CFAP299: variants seen among roughly 807,000 people sequenced by gnomAD.
CFAP299 encodes the protein cilia and flagella associated protein 299, also known as cilia- and flagella-associated protein 299.
A neutral mutation model predicts 27.0 loss-of-function variants in CFAP299; 21 were observed. The observed-to-expected ratio is 0.78, with a 90% CI of 0.55 to 1.12. CFAP299 has a LOEUF of 1.12. Ranked by LOEUF, CFAP299 falls within the 50% of genes most tolerant of loss-of-function variation. The probability of loss-of-function intolerance (pLI) is 0.00; values close to 1 mark genes in which losing one functional copy is unlikely to be tolerated. For missense variants in CFAP299, 310 were observed against 276.6 expected (o/e 1.12, Z -0.86); for synonymous variants, 104 against 98.1 (o/e 1.06, Z -0.36).
intron 4 of CFAP299, among the ~76,000 whole-genome samples, chr4:80,902,649 C>T (rs904864554): frequency 1.4e-5 from 2 of 146,608 alleles, no homozygotes; most frequent in East Asian, 2.0e-4. Flanking sequence ...CTAGTTGGGG[C>T]TATAGTATAT....
At chr4:80,682,743 CTTAGAT>C in intron 3 of CFAP299, among the ~76,000 whole-genome samples, 1 of 152,272 alleles carries the variant, frequency 6.6e-6, no homozygotes. Flanking sequence ...GCCTATTCCT[CTTAGAT>C]TTCACTTTTC....
intron 3 of CFAP299, among the ~76,000 whole-genome samples, chr4:80,729,660 C>G (rs1476467261): frequency 2.3e-5 from 3 of 130,786 alleles, no homozygotes; most frequent in African/African-American, 8.8e-5. Context: ...AGTGCAGTGG[C>G]AAGATCTTGG....
chr4:80,572,535 T>TTTTTTTTTTTTTTTTTTTTTTG, intron 2 of CFAP299, among the ~76,000 whole-genome samples: 1 of 127,912 alleles, frequency 7.8e-6, no homozygotes, highest in Non-Finnish European at 1.6e-5. Flanking sequence ...TTTTTTTTTT[T>TTTTTTTTTTTTTTTTTTTTTTG]GAGAGGGAGT....
chr4:80,915,488 A>G lies in CFAP299; in HGVS notation c.477-29322A>G, dbSNP rs370053005. ...TCCTTGGTGTAATTTTATTTTTTACATGTTTGTTCTGCTTGGTTTTTATTG... is the reference window on the plus strand; with the variant it reads ...TCCTTGGTGTAATTTTATTTTTTACGTGTTTGTTCTGCTTGGTTTTTATTG... On this transcript the variant is annotated intron_variant, in intron 4 of 5. Transcript: ENST00000358105. 6.6e-5 allele frequency among the ~76,000 whole-genome samples: 10 copies of G among 151,874 alleles called. No individual in the cohort carries two copies. The South Asian group carries it at 1.9e-3, about 28-fold the overall frequency.
In CFAP299 at chr4:80,736,003, A is replaced by G. The variant is rs534679118; in HGVS notation, c.334-133990A>G. Among the ~76,000 whole-genome samples, 5 of 152,076 alleles carry G rather than the reference A, an allele frequency of 3.3e-5. No individual in the cohort carries two copies. In the Middle Eastern group the frequency reaches 0.01, roughly 310 times the overall value. ...CTATTTTTCAGAAGTTTGAGTAAGA[A>G]TGGTATTATTCCTCCCATTTTGAAG... On this transcript the variant is annotated intron_variant, in intron 3 of 5. Coordinates refer to ENST00000358105, the MANE Select transcript of CFAP299 (RefSeq NM_152770.3).
chr4:80,356,520 GTTTGTAGTTCTCCT>G (rs1723287745), intron 1 of CFAP299, among the ~76,000 whole-genome samples: 1 of 152,148 alleles, frequency 6.6e-6, no homozygotes, highest in Non-Finnish European at 1.5e-5. Context: ...TTGAGCAGTG[GTTTGTAGTTCTCCT>G]TGAAGAGTTC....
At chr4:80,912,340 G>A (rs1166519277) in intron 4 of CFAP299, among the ~76,000 whole-genome samples, 2 of 152,170 alleles carry the variant, frequency 1.3e-5, no homozygotes, top group Non-Finnish European at 2.9e-5. Context: ...ATTACAGCAG[G>A]AGAATAGACA....
intron 3 of CFAP299, among the ~76,000 whole-genome samples, chr4:80,736,247 T>C (rs980639410): frequency 1.1e-4 from 17 of 152,128 alleles, no homozygotes; most frequent in African/African-American, 3.4e-4. Flanking sequence ...CCATCTTGAA[T>C]TGATTTTTGT....
chr4:80,726,493 T>C (rs1723171238), intron 3 of CFAP299, among the ~76,000 whole-genome samples: 1 of 152,180 alleles, frequency 6.6e-6, no homozygotes. Flanking sequence ...AATATATTTT[T>C]ACAACCTGTG....
At chr4:80,500,777 C>A (rs755837443) in intron 2 of CFAP299, among the ~76,000 whole-genome samples, 68 of 152,068 alleles carry the variant, frequency 4.5e-4, no homozygotes, top group Non-Finnish European at 8.8e-4. Context: ...TACCAACAAA[C>A]CCACAATATT....
At chr4:80,514,770 T>G (rs1426572157) in intron 2 of CFAP299, among the ~76,000 whole-genome samples, 1 of 152,098 alleles carries the variant, frequency 6.6e-6, no homozygotes, top group Non-Finnish European at 1.5e-5. Context: ...GTCTTTTTTA[T>G]AAAATAAATA....
chr4:80,563,573 A>G (rs182000823), intron 2 of CFAP299, among the ~76,000 whole-genome samples: 119 of 152,162 alleles, frequency 7.8e-4, no homozygotes, highest in African/African-American at 2.6e-3. Flanking sequence ...GTTTATCACT[A>G]TAAGTGCCTA....
At chr4:80,895,286 G>A (rs1734560849) in intron 4 of CFAP299, among the ~76,000 whole-genome samples, 1 of 151,802 alleles carries the variant, frequency 6.6e-6, no homozygotes, top group South Asian at 2.1e-4. Flanking sequence ...ACATCACTCT[G>A]TAAATCTTAA....
intron 3 of CFAP299, among the ~76,000 whole-genome samples, chr4:80,583,581 T>C (rs1736281617): frequency 6.6e-6 from 1 of 151,920 alleles, no homozygotes; most frequent in Non-Finnish European, 1.5e-5. Flanking sequence ...TAGTCTGCCT[T>C]TTAGTCCTAC....
intron 3 of CFAP299, among the ~76,000 whole-genome samples, chr4:80,813,223 A>C (rs1410688277): frequency 6.6e-6 from 1 of 152,076 alleles, no homozygotes; most frequent in Non-Finnish European, 1.5e-5. Context: ...CAGAGAAAAT[A>C]GTTTATATTA....
chr4:80,357,819 G>A (rs1723347756), intron 1 of CFAP299, among the ~76,000 whole-genome samples: 1 of 151,722 alleles, frequency 6.6e-6, no homozygotes, highest in Non-Finnish European at 1.5e-5. Flanking sequence ...TTTTTTTTGT[G>A]TGTCTCAATC....
intron 2 of CFAP299, among the ~76,000 whole-genome samples, chr4:80,375,567 T>G (rs2110013769): frequency 1.3e-5 from 2 of 152,300 alleles, no homozygotes; most frequent in South Asian, 4.1e-4. Flanking sequence ...CCACATGCAG[T>G]CTGTCACAGA....
intron 3 of CFAP299, among the ~76,000 whole-genome samples, chr4:80,696,143 T>TA (rs1162056280): frequency 6.6e-6 from 1 of 151,732 alleles, no homozygotes; most frequent in Non-Finnish European, 1.5e-5. Context: ...CTACTAAAAA[T>TA]ACAAAAAATT....
At chr4:80,567,731 TTA>T (rs10605376) in intron 2 of CFAP299, among the ~76,000 whole-genome samples, 1,630 of 148,780 alleles carry the variant, frequency 0.011, 14 homozygotes, top group Middle Eastern at 0.021. Context: ...TCTAATGTAT[TTA>T]TATATATATA....
Sources: gnomAD v4.1 joint callset for allele counts (sites outside exome capture counted in the v4.1 genomes callset) on GRCh38, gnomAD v4.1.1 for gene constraint, MANE v1.5 for transcripts, NCBI Gene and HGNC (gene_info 2026-07-23, HGNC 2026-07-21) for gene names.